The following CTNND2 variants were observed in gnomAD, a reference collection of about 807,000 sequenced individuals.
CTNND2 encodes catenin delta 2.
Under a neutral mutation model 144.4 loss-of-function variants are expected in CTNND2, and 22 were observed. The ratio of observed to expected loss-of-function variants is 0.15; its 90% CI spans 0.11 to 0.22. The LOEUF is 0.22. Ranked by LOEUF, CTNND2 falls within the 10% of genes least tolerant of loss-of-function variation. The pLI, the probability that CTNND2 is intolerant of heterozygous loss-of-function variation, is 1.00. For synonymous variants in CTNND2, 751 were observed against 695.6 expected (o/e 1.08, Z -1.25); for missense variants, 1,353 against 1,618.8 (o/e 0.84, Z 2.82).
chr5:11,226,962 T>G (rs1363482822), intron 10 of CTNND2, among the ~76,000 whole-genome samples: 1 of 152,164 alleles, frequency 6.6e-6, no homozygotes, highest in African/African-American at 2.4e-5. Context: ...ATATGTTGCT[T>G]TATGTTGGTA....
At chr5:11,755,852 A>G (rs139936695) in intron 1 of CTNND2, among the ~76,000 whole-genome samples, 2 of 151,532 alleles carry the variant, frequency 1.3e-5, no homozygotes, top group African/African-American at 4.8e-5. Flanking sequence ...TTTATTCCTT[A>G]TAGTTCTTGG....
At chr5:11,798,103 CA>C (rs557718290) in intron 1 of CTNND2, among the ~76,000 whole-genome samples, 105 of 145,982 alleles carry the variant, frequency 7.2e-4, no homozygotes, top group Non-Finnish European at 1.2e-3. Context: ...ACTAAAAATA[CA>C]AAAAAAAAAT....
Position 11,596,167 on chromosome 5 carries a change from T to G in CTNND2, c.175-31111A>C, listed in dbSNP as rs555002252. On this transcript the variant is annotated intron_variant, in intron 2 of 21. Transcript: ENST00000304623. Reference sequence around the variant, plus strand: ...ATCATATTTTATCCTTTTCTAGACCTCAGGCATAAATTTAAGGCACTGTCT... The same window carrying G: ...ATCATATTTTATCCTTTTCTAGACCGCAGGCATAAATTTAAGGCACTGTCT... Among the ~76,000 whole-genome samples, 4 of 152,322 alleles carry G rather than the reference T, an allele frequency of 2.6e-5. No individual in the cohort carries two copies. The East Asian group carries it at 7.7e-4, about 29-fold the overall frequency.
intron 1 of CTNND2, among the ~76,000 whole-genome samples, chr5:11,803,295 G>C (rs1791797294): frequency 6.6e-6 from 1 of 150,996 alleles, no homozygotes; most frequent in Non-Finnish European, 1.5e-5. Context: ...ACTCCAGCCT[G>C]GCAACAGAGC....
chr5:11,554,527 T>A (rs1776048161), intron 3 of CTNND2, among the ~76,000 whole-genome samples: 1 of 86 alleles, frequency 0.012, no homozygotes, highest in African/African-American at 0.05. Context: ...TATCTCAATG[T>A]TCTATCTACA....
intron 2 of CTNND2, among the ~76,000 whole-genome samples, chr5:11,662,851 C>T (rs1338311901): frequency 6.6e-6 from 1 of 152,096 alleles, no homozygotes; most frequent in Admixed American, 6.6e-5. Context: ...CTGTCTTCCG[C>T]AAAACTGGGC....
chr5:11,173,519 G>A (rs1432233332), intron 11 of CTNND2, among the ~76,000 whole-genome samples: 5 of 152,206 alleles, frequency 3.3e-5, no homozygotes, highest in Admixed American at 6.5e-5. Context: ...TGTGCAGGGG[G>A]CACTTTCTAA....
chr5:11,285,682 G>A lies in CTNND2; in HGVS notation c.1629-48859C>T, dbSNP rs191224749. 3.9e-3 allele frequency among the ~76,000 whole-genome samples: 588 copies of A among 152,238 alleles called. 3 individuals carry two copies. The highest frequency in any genetic ancestry group is 0.014 in the Middle Eastern group (4 of 294). On this transcript the variant is annotated intron_variant, in intron 9 of 21. Transcript: ENST00000304623. ...AAAGAATGGCAGGTTTGGGTACAGG[G>A]AGCCTGAGATACCGCTCCTTCCTTT... is the stretch of plus-strand genomic sequence containing the variant.
intron 3 of CTNND2, among the ~76,000 whole-genome samples, chr5:11,559,730 G>C (rs895002943): frequency 2.6e-5 from 4 of 152,192 alleles, no homozygotes; most frequent in African/African-American, 9.7e-5. Flanking sequence ...GCTTGCTGTT[G>C]TCACCATCTT....
intron 1 of CTNND2, among the ~76,000 whole-genome samples, chr5:11,842,966 A>AGC (rs1360017562): frequency 6.6e-6 from 1 of 152,170 alleles, no homozygotes; most frequent in African/African-American, 2.4e-5. Flanking sequence ...AAACATGTGA[A>AGC]GCGCTGTTGT....
chr5:11,314,508 C>T (rs1256832384), intron 9 of CTNND2, among the ~76,000 whole-genome samples: 1 of 152,118 alleles, frequency 6.6e-6, no homozygotes, highest in Non-Finnish European at 1.5e-5. Flanking sequence ...AGCATGCACA[C>T]CACGATGCCT....
intron 12 of CTNND2, among the ~76,000 whole-genome samples, chr5:11,156,906 C>G (rs1758268527): frequency 6.6e-6 from 1 of 152,178 alleles, no homozygotes; most frequent in Non-Finnish European, 1.5e-5. Context: ...TCTCTGGAAG[C>G]AAATTTAAGG....
intron 1 of CTNND2, among the ~76,000 whole-genome samples, chr5:11,889,953 T>G (rs1448668876): frequency 2.0e-5 from 3 of 152,220 alleles, no homozygotes; most frequent in Non-Finnish European, 4.4e-5. Context: ...GTTGACAATA[T>G]TCCAAGTCAT....
At chr5:11,240,135 A>C (rs1437906762) in intron 9 of CTNND2, among the ~76,000 whole-genome samples, 2 of 148,800 alleles carry the variant, frequency 1.3e-5, no homozygotes. Flanking sequence ...CCCAACACAC[A>C]CACCCAACAC....
intron 1 of CTNND2, among the ~76,000 whole-genome samples, chr5:11,771,798 G>C (rs1250479292): frequency 6.6e-6 from 1 of 152,118 alleles, no homozygotes; most frequent in Admixed American, 6.5e-5. Context: ...GGAAACCTTT[G>C]CTTGCTTGTT....
intron 9 of CTNND2, among the ~76,000 whole-genome samples, chr5:11,322,839 T>G (rs1385740462): frequency 6.6e-6 from 1 of 152,184 alleles, no homozygotes; most frequent in Non-Finnish European, 1.5e-5. Context: ...TATGTATACT[T>G]GCTCTGTGTA....
intron 10 of CTNND2, among the ~76,000 whole-genome samples, chr5:11,223,207 C>T (rs891111975): frequency 7.2e-5 from 11 of 152,184 alleles, no homozygotes; most frequent in Admixed American, 6.5e-4. Flanking sequence ...ACGTCTAAAT[C>T]CCTCCATCAC....
At chr5:11,812,573 C>T (rs761019102) in intron 1 of CTNND2, among the ~76,000 whole-genome samples, 4 of 152,072 alleles carry the variant, frequency 2.6e-5, no homozygotes, top group Non-Finnish European at 4.4e-5. Context: ...TGGGGAGGTA[C>T]GCTGCCCCAT....
intron 9 of CTNND2, among the ~76,000 whole-genome samples, chr5:11,309,143 C>T (rs1750551415): frequency 6.6e-6 from 1 of 152,166 alleles, no homozygotes; most frequent in Non-Finnish European, 1.5e-5. Flanking sequence ...ATCATCAGCA[C>T]CCGCACAGAG....
Sources: allele counts gnomAD v4.1 joint callset (sites outside exome capture counted in the v4.1 genomes callset), GRCh38; gene constraint gnomAD v4.1.1; transcripts MANE v1.5; gene names NCBI Gene and HGNC (gene_info 2026-07-23, HGNC 2026-07-21).